HMGB1: variants seen among roughly 807,000 people sequenced by gnomAD.
HMGB1 encodes the protein high mobility group protein B1.
For synonymous variants in HMGB1, 81 were observed against 84.0 expected, an observed-to-expected ratio of 0.96 and a Z score of 0.19; for missense variants, 79 against 253.5, an observed-to-expected ratio of 0.31 and a Z score of 4.67.
At chr13:30,518,969 C>T (rs7335287) in intron 1 of HMGB1, among the ~76,000 whole-genome samples, 28,035 of 151,732 alleles carry the variant, frequency 0.18, 2,758 homozygotes, top group East Asian at 0.28. Flanking sequence ...AATGATCCTC[C>T]TGCCTTGGCC....
intron 1 of HMGB1, among the ~76,000 whole-genome samples, chr13:30,494,327 T>C (rs1366181271): frequency 6.6e-6 from 1 of 152,238 alleles, no homozygotes; most frequent in Non-Finnish European, 1.5e-5. Flanking sequence ...TTTTTTACTG[T>C]GGTAAAATAT....
chr13:30,551,056 T>C (rs1293194439), intron 1 of HMGB1, among the ~76,000 whole-genome samples: 2 of 152,144 alleles, frequency 1.3e-5, no homozygotes, highest in African/African-American at 4.8e-5. Context: ...AACATTAAAA[T>C]ATACAACATA....
intron 1 of HMGB1, among the ~76,000 whole-genome samples, chr13:30,531,903 T>C (rs1316239987): frequency 6.7e-6 from 1 of 150,320 alleles, no homozygotes. Context: ...TCAAAATAAA[T>C]AAATAAATAA....
chr13:30,461,948 T>G (rs1322058368), intron 4 of HMGB1, among the ~76,000 whole-genome samples: 1 of 152,152 alleles, frequency 6.6e-6, no homozygotes, highest in Non-Finnish European at 1.5e-5. Flanking sequence ...AAAAAGGTAA[T>G]TTGTCAATAA....
intron 1 of HMGB1, among the ~76,000 whole-genome samples, chr13:30,545,567 C>T (rs1869115061): frequency 6.6e-6 from 1 of 152,084 alleles, no homozygotes; most frequent in South Asian, 2.1e-4. Context: ...CAGCAGTGCC[C>T]AGTATTCCTG....
At position 30,461,552 on chromosome 13, in the gene HMGB1, G is replaced by A. The variant is rs776611935; in HGVS notation, c.472-19C>T. 19 of 1,576,454 alleles carry A rather than the reference G, an allele frequency of 1.2e-5. No homozygotes were observed. Among genetic ancestry groups the A allele is most frequent in the African/African-American group, 5.4e-5 (4 of 73,926 alleles). ...CAATATCCTTCCAAAGCAAAGGGAG[G>A]ATAAAACAGTAGGGAAGAAAAAAAC... On this transcript the variant is annotated intron_variant, in intron 4 of 4. Transcript: ENST00000341423.
chr13:30,505,158 ATTTG>A (rs1887824293), intron 1 of HMGB1, among the ~76,000 whole-genome samples: 1 of 148,250 alleles, frequency 6.7e-6, no homozygotes, highest in South Asian at 2.1e-4. Flanking sequence ...ATATTTATAT[ATTTG>A]TTGTTGTCGT....
rs1160978672 is a variant in HMGB1 at position 30,538,584 on chromosome 13, CTTTT to C, written c.-14-74894_-14-74891del. Among the ~76,000 whole-genome samples, 142 of 106,906 alleles carry C rather than the reference CTTTT, an allele frequency of 1.3e-3. 18 individuals carry two copies. The highest frequency in any genetic ancestry group is 9.9e-3 in the Middle Eastern group (2 of 202). 70.1% of individuals were successfully genotyped at this position (106,906 alleles called of 152,430 possible). A position where few individuals can be genotyped will look rare whatever the true frequency, so the allele number is the denominator to read the frequency against. ...CTTTCTTCTTTTTCTTTCTTTCTTT[CTTTT>C]TCTTTCTTCTTTTTCTTTCTTTCTC... On this transcript the variant is annotated intron_variant, in intron 1 of 4. Coordinates refer to the HMGB1 transcript ENST00000405805.
chr13:30,591,025 G>C (rs1331542326), intron 1 of HMGB1, among the ~76,000 whole-genome samples: 8 of 143,870 alleles, frequency 5.6e-5, no homozygotes, highest in Non-Finnish European at 1.1e-4. Flanking sequence ...AGGAGGCAGG[G>C]CCTTTTTTTT....
chr13:30,538,651 C>G (rs1868656637), intron 1 of HMGB1, among the ~76,000 whole-genome samples: 1 of 43,476 alleles, frequency 2.3e-5, no homozygotes. Flanking sequence ...TCCTTTCTTT[C>G]TTTCTTTCTT....
intron 1 of HMGB1, among the ~76,000 whole-genome samples, chr13:30,505,039 C>T (rs559049572): frequency 5.3e-5 from 8 of 151,514 alleles, no homozygotes; most frequent in South Asian, 2.1e-4. Flanking sequence ...GGTGTGATCT[C>T]GGCTCACTGC....
intron 1 of HMGB1, among the ~76,000 whole-genome samples, chr13:30,518,174 A>AT (rs1469339909): frequency 6.6e-6 from 1 of 150,416 alleles, no homozygotes; most frequent in African/African-American, 2.5e-5. Flanking sequence ...TCTACTAAAA[A>AT]TAAAAATAAA....
intron 1 of HMGB1, among the ~76,000 whole-genome samples, chr13:30,581,759 A>G (rs774060658): frequency 3.3e-5 from 5 of 152,198 alleles, no homozygotes; most frequent in Non-Finnish European, 7.3e-5. Context: ...GCAAAGTCAG[A>G]ATTTTCTGCA....
intron 1 of HMGB1, among the ~76,000 whole-genome samples, chr13:30,558,762 G>A (rs971402163): frequency 1.3e-5 from 2 of 152,132 alleles, no homozygotes; most frequent in African/African-American, 4.8e-5. Flanking sequence ...TATTCCCCTA[G>A]AGCAATAGTT....
intron 1 of HMGB1, among the ~76,000 whole-genome samples, chr13:30,545,591 G>C (rs1385029917): frequency 6.6e-6 from 1 of 151,934 alleles, no homozygotes. Context: ...CTAGAGCTTC[G>C]CTGTCCAATA....
At chr13:30,507,473 G>A (rs1887894450) in intron 1 of HMGB1, among the ~76,000 whole-genome samples, 1 of 152,236 alleles carries the variant, frequency 6.6e-6, no homozygotes, top group African/African-American at 2.4e-5. Context: ...ATGACTGAAT[G>A]AGGGAACAAA....
intron 1 of HMGB1, among the ~76,000 whole-genome samples, chr13:30,533,141 C>T (rs1308955615): frequency 6.6e-6 from 1 of 152,146 alleles, no homozygotes; most frequent in African/African-American, 2.4e-5. Flanking sequence ...GCAGGGGAGA[C>T]AGAAGGATTC....
At chr13:30,606,400 C>T (rs1950458900) in intron 1 of HMGB1, among the ~76,000 whole-genome samples, 1 of 152,180 alleles carries the variant, frequency 6.6e-6, no homozygotes, top group Admixed American at 6.5e-5. Context: ...AAAAAAACTA[C>T]TACCATCTCT....
Position 30,458,598 on chromosome 13 carries a change from G to C in HMGB1, c.*2759C>G, listed in dbSNP as rs1225950462. 6.6e-6 allele frequency: 1 copy of C among 152,170 alleles called. No individual in the cohort carries two copies. The highest frequency in any genetic ancestry group is 1.5e-5 in the Non-Finnish European group (1 of 68,086). The allele number at this position is 152,170 out of a possible 1,614,324, so 9.4% of individuals were successfully genotyped here. On this transcript the variant is annotated 3_prime_UTR_variant, in exon 5 of 5. Coordinates refer to ENST00000341423, the MANE Select transcript of HMGB1 (RefSeq NM_002128.7). ...CCCGCCTTGGCCTCCCAAAGTGCTG[G>C]GATTACAGGCGTGAGCCACTGCGCC...
Sources: gnomAD v4.1 joint callset for allele counts (sites outside exome capture counted in the v4.1 genomes callset) on GRCh38, gnomAD v4.1.1 for gene constraint, MANE v1.5 for transcripts, NCBI Gene and HGNC (gene_info 2026-07-23, HGNC 2026-07-21) for gene names.